The following SMIM35 variants were observed in gnomAD, a reference collection of about 807,000 sequenced individuals.
The protein encoded by SMIM35 is small integral membrane protein 35.
At chr11:118,012,341 G>T (rs1252753373) in intron 4 of SMIM35, among the ~76,000 whole-genome samples, 1 of 152,222 alleles carries the variant, frequency 6.6e-6, no homozygotes, top group East Asian at 1.9e-4. Flanking sequence ...GGCACAGACC[G>T]GAGAAAGGAG....
At chr11:118,070,731 TCACTGAGACTGCCGGCAAATTA>T (rs113881508) in intron 1 of SMIM35, among the ~76,000 whole-genome samples, 27,481 of 151,996 alleles carry the variant, frequency 0.18, 2,591 homozygotes, top group East Asian at 0.3. Flanking sequence ...AACAGGATGT[TCACTGAGACTGCCGGCAAATTA>T]CACGGACAAT....
chr11:118,083,535 T>C (rs10160375), intron 1 of SMIM35, among the ~76,000 whole-genome samples: 53,488 of 151,986 alleles, frequency 0.35, 9,908 homozygotes, highest in South Asian at 0.52. Context: ...ATGAAGCTCC[T>C]TCCCATTAAC....
chr11:118,014,032 G>A (rs1195624709), intron 3 of SMIM35, among the ~76,000 whole-genome samples, 152 bp from the exon 4 acceptor site: 1 of 152,190 alleles, frequency 6.6e-6, no homozygotes, highest in Non-Finnish European at 1.5e-5. Context: ...AGGGCCAAAG[G>A]AGGTACAGCC....
rs535323022 is a variant in SMIM35 at position 118,029,116 on chromosome 11, A to G, written c.8-13307T>C. 18 of 264,702 alleles carry G rather than the reference A, an allele frequency of 6.8e-5. 1 individual carries two copies. The Admixed American group carries it at 8.5e-4, about 13-fold the overall frequency. The allele number at this position is 264,702 out of a possible 1,614,324, so 16.4% of individuals were successfully genotyped here. ...AATCACACGCTTGAAGTATAGCATA[A>G]ATAAATAAAACCGAATGCAAAAGAG... On this transcript the variant is annotated intron_variant, in intron 1 of 4. Transcript: ENST00000689828.
At chr11:118,056,220 A>G (rs1944306893) in intron 1 of SMIM35, among the ~76,000 whole-genome samples, 1 of 152,122 alleles carries the variant, frequency 6.6e-6, no homozygotes, top group Admixed American at 6.5e-5. Flanking sequence ...TGCTGGGAGT[A>G]GCGAGCCCAG....
intron 1 of SMIM35, among the ~76,000 whole-genome samples, chr11:118,077,656 C>G (rs1199455584): frequency 6.6e-6 from 1 of 152,188 alleles, no homozygotes; most frequent in Non-Finnish European, 1.5e-5. Context: ...AGGCAGGGGG[C>G]TGTTCTGATG....
intron 1 of SMIM35, among the ~76,000 whole-genome samples, chr11:118,073,154 T>C (rs911390767): frequency 2.6e-4 from 39 of 152,234 alleles, no homozygotes; most frequent in African/African-American, 8.9e-4. Context: ...GCCAGGCTGG[T>C]CTCAAACTCC....
intron 1 of SMIM35, among the ~76,000 whole-genome samples, chr11:118,056,340 T>A (rs1701893153): frequency 6.6e-6 from 1 of 151,326 alleles, no homozygotes; most frequent in African/African-American, 2.4e-5. Context: ...GAAGGGAGGG[T>A]CAGCAGAACT....
chr11:118,074,284 G>A (rs573808197), intron 1 of SMIM35, among the ~76,000 whole-genome samples: 1 of 152,218 alleles, frequency 6.6e-6, no homozygotes, highest in South Asian at 2.1e-4. Context: ...TAAGGAAAGG[G>A]AAGAAGGAAG....
chr11:118,054,808 T>A (rs1944285228), intron 1 of SMIM35, among the ~76,000 whole-genome samples: 1 of 150,332 alleles, frequency 6.7e-6, no homozygotes, highest in Non-Finnish European at 1.5e-5. Context: ...TTTCAGGATT[T>A]TTTTTTTTTT....
chr11:118,063,566 G>A (rs943409576), intron 1 of SMIM35, among the ~76,000 whole-genome samples: 1 of 152,182 alleles, frequency 6.6e-6, no homozygotes, highest in African/African-American at 2.4e-5. Flanking sequence ...GCTGACTGAG[G>A]CCTGGAAGGG....
intron 1 of SMIM35, among the ~76,000 whole-genome samples, chr11:118,036,748 A>G (rs957795784): frequency 1.1e-4 from 16 of 152,186 alleles, no homozygotes; most frequent in African/African-American, 2.9e-4. Flanking sequence ...TGGTGGTGTC[A>G]TGCTTGCCTC....
At chr11:118,072,564 G>T (rs1455910679) in intron 1 of SMIM35, among the ~76,000 whole-genome samples, 1 of 152,200 alleles carries the variant, frequency 6.6e-6, no homozygotes, top group East Asian at 1.9e-4. Flanking sequence ...GGGGAAAAAT[G>T]AAGGCAGGAA....
At chr11:118,076,038 C>T (rs1944674226) in intron 1 of SMIM35, among the ~76,000 whole-genome samples, 1 of 152,226 alleles carries the variant, frequency 6.6e-6, no homozygotes, top group Admixed American at 6.5e-5. Flanking sequence ...GAGGCTGAGG[C>T]AGGTGGATCA....
intron 4 of SMIM35, among the ~76,000 whole-genome samples, chr11:118,011,356 C>A (rs2058149718): frequency 6.6e-6 from 1 of 152,184 alleles, no homozygotes; most frequent in Admixed American, 6.5e-5. Context: ...GCATGGACTG[C>A]AGACCCAGGA....
At chr11:118,046,853 A>G (rs1435921172) in intron 1 of SMIM35, among the ~76,000 whole-genome samples, 1 of 152,228 alleles carries the variant, frequency 6.6e-6, no homozygotes. Context: ...TTCCCAAAGT[A>G]ATTAGTTCTG....
At chr11:118,055,767 A>G (rs756864949) in intron 1 of SMIM35, among the ~76,000 whole-genome samples, 1 of 152,066 alleles carries the variant, frequency 6.6e-6, no homozygotes, top group Non-Finnish European at 1.5e-5. Flanking sequence ...TTCTTTTCCT[A>G]CATAGGCCAG....
chr11:118,051,895 T>C (rs997176702), intron 1 of SMIM35, among the ~76,000 whole-genome samples: 3 of 149,428 alleles, frequency 2.0e-5, no homozygotes, highest in Non-Finnish European at 4.4e-5. Context: ...TTGGGTTGAT[T>C]GTGAACAAGA....
At chr11:118,008,551 C>A (rs774103047) in intron 4 of SMIM35, among the ~76,000 whole-genome samples, 5 of 152,322 alleles carry the variant, frequency 3.3e-5, no homozygotes, top group Non-Finnish European at 7.4e-5. Context: ...TTTGATCATT[C>A]CTTAGGTTAT....
Sources: gnomAD v4.1 joint callset for allele counts (sites outside exome capture counted in the v4.1 genomes callset) on GRCh38, gnomAD v4.1.1 for gene constraint, MANE v1.5 for transcripts, NCBI Gene and HGNC (gene_info 2026-07-23, HGNC 2026-07-21) for gene names.